The following STARD13 variants were observed in gnomAD, a reference collection of about 807,000 sequenced individuals.
The protein encoded by STARD13 is stAR-related lipid transfer protein 13.
Under a neutral mutation model 106.4 loss-of-function variants are expected in STARD13, and 62 were observed. The ratio of observed to expected loss-of-function variants is 0.58; its 90% CI spans 0.48 to 0.72. The LOEUF (loss-of-function observed/expected upper bound fraction) is 0.72, where lower values mean the gene tolerates loss of function less well. Among genes scored for constraint, STARD13 ranks in the 30% least tolerant of loss-of-function variants. STARD13 has a pLI of 0.00. For synonymous variants in STARD13, 565 were observed against 553.0 expected (o/e 1.02, Z -0.31); for missense variants, 1,387 against 1,424.0 (o/e 0.97, Z 0.42).
chr13:33,489,151 C>A, the STARD13 span, among the ~76,000 whole-genome samples: 1 of 152,136 alleles, frequency 6.6e-6, no homozygotes, highest in Non-Finnish European at 1.5e-5. Flanking sequence ...TAAACTAGTT[C>A]ATACCAGCAT....
the STARD13 span, among the ~76,000 whole-genome samples, chr13:33,518,553 G>A: frequency 6.6e-6 from 1 of 152,056 alleles, no homozygotes; most frequent in Admixed American, 6.6e-5. Context: ...AATATGGGAG[G>A]GGAGGTGGGG....
intron 1 of STARD13, among the ~76,000 whole-genome samples, chr13:33,268,352 G>A (rs114782445): frequency 1.2e-4 from 18 of 152,232 alleles, no homozygotes; most frequent in African/African-American, 4.1e-4. Flanking sequence ...ATCTAAGCTC[G>A]GGTATTTTCA....
the STARD13 span, among the ~76,000 whole-genome samples, chr13:33,460,176 G>A: frequency 1.3e-5 from 2 of 151,896 alleles, no homozygotes; most frequent in Admixed American, 6.6e-5. Flanking sequence ...CTAATTATGG[G>A]ATGAAGGTCA....
At chr13:33,280,326 C>T (rs1311537543) in intron 1 of STARD13, 1 of 152,142 alleles carries the variant, frequency 6.6e-6, no homozygotes, top group African/African-American at 2.4e-5. Flanking sequence ...TATCCCACTC[C>T]AGTTGAGTTC....
intron 6 of STARD13, 103 bp from the exon 7 acceptor site, chr13:33,126,343 C>A: frequency 9.1e-7 from 1 of 1,103,020 alleles, no homozygotes; most frequent in Non-Finnish European, 1.3e-6. Context: ...TTGGAATACC[C>A]AACAGATGCG....
intron 1 of STARD13, among the ~76,000 whole-genome samples, chr13:33,196,373 C>G (rs1470507180): frequency 6.6e-6 from 1 of 152,144 alleles, no homozygotes; most frequent in Non-Finnish European, 1.5e-5. Flanking sequence ...AAGCGAGACT[C>G]TGTCTCAAAA....
At chr13:33,651,393 T>C in the STARD13 span, among the ~76,000 whole-genome samples, 6 of 152,218 alleles carry the variant, frequency 3.9e-5, no homozygotes, top group African/African-American at 1.4e-4. Flanking sequence ...CATTTCAATG[T>C]GTTCATAAAC....
In STARD13 at chr13:33,285,137, C is replaced by T. The variant is rs142409380; in HGVS notation, c.169+333G>A. Among the ~76,000 whole-genome samples the T allele has an allele frequency of 1.5e-3, 225 of 152,182 alleles. 2 individuals carry two copies. Among genetic ancestry groups the T allele is most frequent in the African/African-American group, 5.2e-3 (217 of 41,518 alleles). ...ACAAGTGTCCACATTTTAAATGTGA[C>T]GGAGTGTGAGGAAACTGCAGAAAAG... On this transcript the variant is annotated intron_variant, in intron 1 of 13. Transcript: ENST00000336934.
At chr13:33,467,729 A>G in the STARD13 span, among the ~76,000 whole-genome samples, 3 of 152,212 alleles carry the variant, frequency 2.0e-5, no homozygotes, top group Admixed American at 6.5e-5. Flanking sequence ...CATTACCTGT[A>G]CTACCTATCT....
the STARD13 span, among the ~76,000 whole-genome samples, chr13:33,450,987 A>G: frequency 1.3e-5 from 2 of 151,754 alleles, no homozygotes; most frequent in Non-Finnish European, 2.9e-5. Context: ...TGCTCGAGGA[A>G]TCCTTCCACC....
chr13:33,443,861 C>T, the STARD13 span, among the ~76,000 whole-genome samples: 4 of 146,916 alleles, frequency 2.7e-5, no homozygotes, highest in East Asian at 7.9e-4. Context: ...TGCACTCCAG[C>T]CTGGGCAACA....
intron 1 of STARD13, among the ~76,000 whole-genome samples, chr13:33,318,375 T>A (rs975504975): frequency 1.3e-5 from 2 of 152,098 alleles, no homozygotes; most frequent in Non-Finnish European, 2.9e-5. Flanking sequence ...CAATTAGATA[T>A]CCACATGCAA....
the STARD13 span, among the ~76,000 whole-genome samples, chr13:33,366,145 T>C: frequency 6.6e-6 from 1 of 152,118 alleles, no homozygotes; most frequent in Non-Finnish European, 1.5e-5. The surrounding 1 kb of genome is among the most constrained non-coding windows in gnomAD (Gnocchi z 4.2). Context: ...GAATGGCTTA[T>C]ACTTGCTTAG....
At chr13:33,378,806 A>G in the STARD13 span, among the ~76,000 whole-genome samples, 2 of 151,306 alleles carry the variant, frequency 1.3e-5, no homozygotes, top group African/African-American at 2.4e-5. Flanking sequence ...ACAAAAAAAA[A>G]AAAAAGAAAA....
At chr13:33,252,080 C>T (rs1290593535) in intron 1 of STARD13, among the ~76,000 whole-genome samples, 2 of 152,148 alleles carry the variant, frequency 1.3e-5, no homozygotes, top group Non-Finnish European at 2.9e-5. Flanking sequence ...TAAATATTTC[C>T]TACATGATAA....
At chr13:33,179,598 G>A (rs1885032522) in intron 1 of STARD13, among the ~76,000 whole-genome samples, 1 of 152,160 alleles carries the variant, frequency 6.6e-6, no homozygotes, top group Non-Finnish European at 1.5e-5. Flanking sequence ...CACCTGCTGG[G>A]TGCCCCTGTT....
chr13:33,160,177 T>C (rs1048482295), intron 3 of STARD13, among the ~76,000 whole-genome samples: 1 of 152,144 alleles, frequency 6.6e-6, no homozygotes, highest in Non-Finnish European at 1.5e-5. Context: ...TATACATACA[T>C]GGTCAAAGGT....
chr13:33,599,771 T>C, the STARD13 span, among the ~76,000 whole-genome samples: 1 of 152,180 alleles, frequency 6.6e-6, no homozygotes, highest in African/African-American at 2.4e-5. Context: ...ATTTAATAAA[T>C]GTGGAATGAA....
intron 7 of STARD13, among the ~76,000 whole-genome samples, chr13:33,124,585 A>G (rs538224): frequency 0.29 from 44,783 of 152,036 alleles, 7,995 homozygotes; most frequent in Non-Finnish European, 0.41. Flanking sequence ...TTGCTTCTAA[A>G]GAGAGACTGG....
Sources: allele counts gnomAD v4.1 joint callset (sites outside exome capture counted in the v4.1 genomes callset), GRCh38; gene constraint gnomAD v4.1.1; non-coding constraint Gnocchi (gnomAD v3.1); transcripts MANE v1.5; gene names NCBI Gene and HGNC (gene_info 2026-07-23, HGNC 2026-07-21).